STAU2: variants seen among roughly 807,000 people sequenced by gnomAD.
The protein encoded by STAU2 is double-stranded RNA-binding protein Staufen homolog 2.
STAU2 carries 20 observed loss-of-function variants against 65.9 expected under a neutral mutation model. That is an observed-to-expected ratio of 0.30 (90% CI 0.21 to 0.44). The LOEUF is 0.44. STAU2 is among the 20% of genes least tolerant of loss of function. STAU2 has a pLI of 1.00. For synonymous variants in STAU2, 232 were observed against 233.9 expected (o/e 0.99, Z 0.07); for missense variants, 558 against 683.9 (o/e 0.82, Z 2.05).
At chr8:73,649,839 TAA>T (rs1271332843) in intron 6 of STAU2, among the ~76,000 whole-genome samples, 4 of 143,040 alleles carry the variant, frequency 2.8e-5, no homozygotes, top group Admixed American at 1.4e-4. Context: ...TAATTTTTTA[TAA>T]GTTAGTATAT....
chr8:73,688,551 C>T lies in STAU2; in HGVS notation c.274+103G>A. 4.1e-6 allele frequency: 4 copies of T among 972,594 alleles called. No homozygotes were observed. The South Asian group carries it at 5.6e-5, about 14-fold the overall frequency. The allele number at this position is 972,594 out of a possible 1,614,324, so 60.2% of individuals were successfully genotyped here. Reference sequence around the variant, plus strand: ...GTGTGTAGGTATGGGCATATGTGTACTATTAATACTTGCTCACTCTGTTAC... The same window carrying T: ...GTGTGTAGGTATGGGCATATGTGTATTATTAATACTTGCTCACTCTGTTAC... On this transcript the variant is annotated intron_variant, in intron 5 of 14. Coordinates refer to ENST00000524300, the MANE Select transcript of STAU2 (RefSeq NM_001164380.2).
intron 13 of STAU2, chr8:73,551,736 T>C (rs537922961): frequency 4.6e-6 from 5 of 1,088,684 alleles, no homozygotes; most frequent in East Asian, 1.1e-4. Context: ...CAAGACCAAA[T>C]AGAAGACAGT....
intron 13 of STAU2, among the ~76,000 whole-genome samples, chr8:73,463,300 T>C (rs1055058985): frequency 2.0e-5 from 3 of 152,226 alleles, no homozygotes; most frequent in Non-Finnish European, 4.4e-5. Context: ...TCTTTTGACC[T>C]GCCTCGAACT....
intron 3 of STAU2, among the ~76,000 whole-genome samples, chr8:73,730,738 AAAAAAAAAAAGAC>A (rs1383112215): frequency 7.1e-6 from 1 of 141,628 alleles, no homozygotes; most frequent in Non-Finnish European, 1.5e-5. Flanking sequence ...CAAAAAAAAA[AAAAAAAAAAAGAC>A]AAAAAAAAAA....
At chr8:73,670,372 C>G (rs538748755) in intron 6 of STAU2, 1 of 151,688 alleles carries the variant, frequency 6.6e-6, no homozygotes, top group South Asian at 2.1e-4. Context: ...GGAAGCATTA[C>G]CTAAGGGAGA....
At chr8:73,456,205 A>G (rs1235014528) in intron 13 of STAU2, among the ~76,000 whole-genome samples, 1 of 152,252 alleles carries the variant, frequency 6.6e-6, no homozygotes, top group African/African-American at 2.4e-5. Flanking sequence ...AACGGAATAA[A>G]TAAATGTGCC....
chr8:73,687,657 C>G (rs907222469), intron 5 of STAU2, among the ~76,000 whole-genome samples: 1 of 151,248 alleles, frequency 6.6e-6, no homozygotes, highest in Non-Finnish European at 1.5e-5. Context: ...CTTACCCAGG[C>G]CTCCCAAAGT....
At chr8:73,591,647 C>T (rs1327118134) in intron 11 of STAU2, among the ~76,000 whole-genome samples, 1 of 151,754 alleles carries the variant, frequency 6.6e-6, no homozygotes, top group African/African-American at 2.4e-5. Context: ...AACAAAGACA[C>T]AACACTAACT....
chr8:73,583,305 C>T (rs1317009317), intron 11 of STAU2, among the ~76,000 whole-genome samples: 1 of 151,926 alleles, frequency 6.6e-6, no homozygotes, highest in Non-Finnish European at 1.5e-5. Flanking sequence ...GCCACCACGC[C>T]CGGCTAATTT....
intron 12 of STAU2, among the ~76,000 whole-genome samples, chr8:73,560,234 CCAT>C (rs1808122795): frequency 6.6e-6 from 1 of 152,054 alleles, no homozygotes; most frequent in South Asian, 2.1e-4. Flanking sequence ...GCTCCCACCA[CCAT>C]GCCTGGCTAA....
intron 4 of STAU2, among the ~76,000 whole-genome samples, chr8:73,704,680 T>C (rs575539733): frequency 6.6e-6 from 1 of 152,334 alleles, no homozygotes; most frequent in South Asian, 2.1e-4. Flanking sequence ...GATTTTTGTT[T>C]GTTTTTTGAG....
Position 73,709,151 on chromosome 8 carries a change from C to A in STAU2, c.-6G>T. On this transcript the variant is annotated 5_prime_UTR_variant, in exon 4 of 15. Coordinates refer to ENST00000524300, the MANE Select transcript of STAU2 (RefSeq NM_001164380.2). ...TTCTCTTTTGGGTTTGCCATTTTATCTTGGAGAGAAGCTGTAAATAAAAAG... is the reference window on the plus strand; with the variant it reads ...TTCTCTTTTGGGTTTGCCATTTTATATTGGAGAGAAGCTGTAAATAAAAAG... 6.6e-7 allele frequency: 1 copy of A among 1,519,960 alleles called. No homozygotes were observed. The highest frequency in any genetic ancestry group is 8.8e-7 in the Non-Finnish European group (1 of 1,138,314). 94.2% of individuals were successfully genotyped at this position (1,519,960 alleles called of 1,614,324 possible).
chr8:73,537,270 T>C (rs1433391986), intron 13 of STAU2, among the ~76,000 whole-genome samples: 1 of 152,134 alleles, frequency 6.6e-6, no homozygotes, highest in Non-Finnish European at 1.5e-5. Flanking sequence ...TGATGACTTG[T>C]GTCATCAGAG....
intron 9 of STAU2, among the ~76,000 whole-genome samples, chr8:73,611,889 C>T (rs1002615157): frequency 1.3e-5 from 2 of 152,138 alleles, no homozygotes; most frequent in East Asian, 3.8e-4. Context: ...GCCATGTTGG[C>T]CATGCTGGTC....
intron 5 of STAU2, among the ~76,000 whole-genome samples, chr8:73,681,180 C>G: frequency 1.3e-5 from 2 of 151,970 alleles, no homozygotes; most frequent in African/African-American, 4.8e-5. Context: ...TATCTAAAGT[C>G]AAGTCAAAGG....
chr8:73,611,351 T>C (rs1163177449), intron 9 of STAU2, among the ~76,000 whole-genome samples: 1 of 152,078 alleles, frequency 6.6e-6, no homozygotes, highest in Admixed American at 6.5e-5. Context: ...GTGTGATGTA[T>C]ATGAGGAAAA....
At chr8:73,570,137 T>C (rs1012044512) in intron 12 of STAU2, among the ~76,000 whole-genome samples, 9 of 152,146 alleles carry the variant, frequency 5.9e-5, no homozygotes, top group Admixed American at 5.9e-4. Flanking sequence ...CTGATGGAGC[T>C]GAAAACCATG....
intron 3 of STAU2, among the ~76,000 whole-genome samples, chr8:73,733,443 G>A (rs1475400162): frequency 6.6e-6 from 1 of 152,152 alleles, no homozygotes; most frequent in Admixed American, 6.5e-5. Context: ...GCTAAAATGA[G>A]TTCCTTTTCC....
intron 13 of STAU2, 100 bp from the exon 14 acceptor site, chr8:73,422,802 C>A: frequency 1.3e-6 from 1 of 748,536 alleles, no homozygotes; most frequent in Non-Finnish European, 1.9e-6. Flanking sequence ...TTTCATTAGT[C>A]TACATAATTT....
Sources: allele counts gnomAD v4.1 joint callset (sites outside exome capture counted in the v4.1 genomes callset), GRCh38; gene constraint gnomAD v4.1.1; transcripts MANE v1.5; gene names NCBI Gene and HGNC (gene_info 2026-07-23, HGNC 2026-07-21).